CUX2: variants seen among roughly 807,000 people sequenced by gnomAD.
The protein encoded by CUX2 is homeobox protein cut-like 2.
In CUX2, 40 loss-of-function variants were observed where a neutral mutation model predicts 144.8. That is an observed-to-expected ratio of 0.28 (90% CI 0.21 to 0.36). CUX2 has a LOEUF of 0.36. CUX2 is among the 10% of genes least tolerant of loss of function. The probability of loss-of-function intolerance (pLI) is 1.00; values close to 1 mark genes in which losing one functional copy is unlikely to be tolerated. For synonymous variants in CUX2, 827 were observed against 875.6 expected, an observed-to-expected ratio of 0.94 and a Z score of 0.98; for missense variants, 1,615 against 1,994.0, an observed-to-expected ratio of 0.81 and a Z score of 3.62.
chr12:111,093,642 G>C (rs1415110275), intron 1 of CUX2, among the ~76,000 whole-genome samples: 2 of 152,154 alleles, frequency 1.3e-5, no homozygotes, highest in African/African-American at 4.8e-5. Flanking sequence ...AAATTTGACG[G>C]GGGGGCGATG....
At chr12:111,294,781 C>G (rs1885882443) in intron 6 of CUX2, among the ~76,000 whole-genome samples, 1 of 151,812 alleles carries the variant, frequency 6.6e-6, no homozygotes, top group Admixed American at 6.6e-5. Flanking sequence ...GCCTGCAATC[C>G]CAGGTACTCA....
rs1012836814 is a variant in CUX2, at chr12:111,068,582, G to C, written c.63+34342G>C. Among the ~76,000 whole-genome samples, 2 of 152,358 alleles carry C rather than the reference G, an allele frequency of 1.3e-5. No homozygotes were observed. Among genetic ancestry groups the C allele is most frequent in the Admixed American group, 6.5e-5 (1 of 15,310 alleles). Reference sequence around the variant, plus strand: ...TCCATTTTCTGAGGAGATGAAAAGCGATGCTGGTTTGAGCAGCTGGTGTTT... The same window carrying C: ...TCCATTTTCTGAGGAGATGAAAAGCCATGCTGGTTTGAGCAGCTGGTGTTT... On this transcript the variant is annotated intron_variant, in intron 1 of 21. Coordinates refer to ENST00000261726, the MANE Select transcript of CUX2 (RefSeq NM_015267.4). The surrounding 1 kb of genome is among the most constrained non-coding windows in gnomAD (Gnocchi z 4.9).
chr12:111,302,728 C>T (rs571039553), intron 9 of CUX2, among the ~76,000 whole-genome samples: 3 of 151,028 alleles, frequency 2.0e-5, no homozygotes, highest in East Asian at 3.9e-4. Context: ...GGAAAAACCC[C>T]GTCTCTACTA....
chr12:111,217,978 A>G (rs776310745), intron 3 of CUX2, 41 bp downstream of exon 3: 2 of 1,611,154 alleles, frequency 1.2e-6, no homozygotes, highest in Non-Finnish European at 1.7e-6. Flanking sequence ...AAGTGCCCCC[A>G]ATGGCTCCCC....
rs149800659 is a variant in CUX2, at chr12:111,123,353, T to G, written c.63+89113T>G. Among the ~76,000 whole-genome samples, 1,487 of 151,958 alleles carry G rather than the reference T, an allele frequency of 9.8e-3. 29 individuals are homozygous for G. Among genetic ancestry groups the G allele is most frequent in the African/African-American group, 0.034 (1,427 of 41,434 alleles). On this transcript the variant is annotated intron_variant, in intron 1 of 21. Transcript: ENST00000261726. ...GCACACCACCACGCCCAGCTAATTT[T>G]TTGTATTTTTAGTAGAGACAGGGTT...
At chr12:111,174,912 G>T (rs1204380478) in intron 1 of CUX2, among the ~76,000 whole-genome samples, 4 of 152,202 alleles carry the variant, frequency 2.6e-5, no homozygotes, top group African/African-American at 9.7e-5. Context: ...GTTTCCTGTG[G>T]TTCAACTGAA....
At chr12:111,071,979 T>C (rs1462903162) in intron 1 of CUX2, among the ~76,000 whole-genome samples, 1 of 152,252 alleles carries the variant, frequency 6.6e-6, no homozygotes, top group Non-Finnish European at 1.5e-5. Flanking sequence ...TCTATTTGTC[T>C]ATTCTTTCTC....
intron 1 of CUX2, among the ~76,000 whole-genome samples, chr12:111,195,991 C>T (rs189838830): frequency 6.6e-6 from 1 of 152,310 alleles, no homozygotes; most frequent in East Asian, 1.9e-4. Flanking sequence ...CAAAAAAGAT[C>T]TTTTGGGTCC....
rs956194945 is a variant in CUX2 at position 111,077,248 on chromosome 12, C to T, written c.63+43008C>T. Among the ~76,000 whole-genome samples the T allele has an allele frequency of 6.6e-6, 1 of 152,156 alleles. No individual in the cohort carries two copies. Among genetic ancestry groups the T allele is most frequent in the Non-Finnish European group, 1.5e-5 (1 of 68,032 alleles). The stretch of plus-strand genomic sequence containing the variant: ...AGGCCCAAGCTGGCCTCTGCCTGCC[C>T]TGCTTGGGGAGTTGAAAGAGGCCTT... On this transcript the variant is annotated intron_variant, in intron 1 of 21. Transcript: ENST00000261726. The surrounding 1 kb of genome is among the most constrained non-coding windows in gnomAD (Gnocchi z 4.1).
intron 1 of CUX2, among the ~76,000 whole-genome samples, chr12:111,185,607 A>AC (rs1202189346): frequency 1.3e-5 from 2 of 152,198 alleles, no homozygotes; most frequent in African/African-American, 4.8e-5. Context: ...GGTGTCCAGC[A>AC]CTGGCTGAGT....
At chr12:111,045,504 A>G (rs1042917602) in intron 1 of CUX2, among the ~76,000 whole-genome samples, 3 of 152,248 alleles carry the variant, frequency 2.0e-5, no homozygotes, top group Admixed American at 6.5e-5. Flanking sequence ...AGAAGTAGAA[A>G]GTGACAGCTC....
chr12:111,254,856 T>G (rs1233285377), intron 3 of CUX2, among the ~76,000 whole-genome samples: 1 of 152,104 alleles, frequency 6.6e-6, no homozygotes, highest in East Asian at 1.9e-4. Flanking sequence ...GCAGTCTTTT[T>G]TTTTCCTTTT....
rs762991481 is a variant in CUX2, at chr12:111,293,142, AAAAT to A, written c.437-300_437-297del. 6.6e-6 allele frequency among the ~76,000 whole-genome samples: 1 copy of A among 152,236 alleles called. No individual in the cohort carries two copies. The highest frequency in any genetic ancestry group is 1.9e-4 in the East Asian group (1 of 5,200). On this transcript the variant is annotated intron_variant, in intron 5 of 21. Transcript: ENST00000261726. This position sits in a 1 kb window ranked among gnomAD's most constrained non-coding sequence, Gnocchi z 4.5. Reference sequence around the variant, plus strand: ...AGACTCCGTCTCAAAAAAAAAATAAAAAATAAAAAAAGGTGAATTTTATGTGACG... The same window carrying A: ...AGACTCCGTCTCAAAAAAAAAATAAAAAAAAAAGGTGAATTTTATGTGACG...
In CUX2 at chr12:111,320,092, A is replaced by G. The variant is rs1246894726; in HGVS notation, c.2083A>G (p.Ser695Gly). ...CAGCACCTCGGAGGACGCCATCAAG[A>G]GCATCCTGGAGCAGGCACGCCGTGA... ...PASTSEDAIK[S>G]ILEQARREMQ... Residue 695 changes from serine to glycine, a missense_variant, in exon 17 of 22, where the codon AGC becomes GGC. Transcript: ENST00000261726. This position sits in a 1 kb window ranked among gnomAD's most constrained non-coding sequence, Gnocchi z 8.1. 3.2e-6 allele frequency: 5 copies of G among 1,556,942 alleles called. No individual in the cohort carries two copies. The highest frequency in any genetic ancestry group is 4.3e-6 in the Non-Finnish European group (5 of 1,154,638).
chr12:111,188,817 G>T (rs941643801), intron 1 of CUX2, among the ~76,000 whole-genome samples: 2 of 152,154 alleles, frequency 1.3e-5, no homozygotes, highest in Admixed American at 1.3e-4. Context: ...ACCCATGGTT[G>T]TTGGAAGAGA....
chr12:111,082,870 G>A, intron 1 of CUX2, among the ~76,000 whole-genome samples: 1 of 152,182 alleles, frequency 6.6e-6, no homozygotes. Context: ...GACCATGGGT[G>A]TCGTGAAGAG....
intron 1 of CUX2, among the ~76,000 whole-genome samples, chr12:111,067,454 C>CA (rs1366833544): frequency 2.0e-5 from 3 of 152,196 alleles, no homozygotes; most frequent in South Asian, 2.1e-4. Context: ...GGCTAAGAGA[C>CA]AGAGTCCTGA....
rs565702091 is a variant in CUX2 at position 111,322,468 on chromosome 12, G to A, written c.2814G>A (p.Pro938=). Residue 938 remains proline, a synonymous_variant, in exon 18 of 22, where the codon CCG becomes CCA. Coordinates refer to ENST00000261726, the MANE Select transcript of CUX2 (RefSeq NM_015267.4). The surrounding 1 kb of genome is among the most constrained non-coding windows in gnomAD (Gnocchi z 4.2). ...QGSVSDMLSR[P]KPWSKLTQKG... ...GCGTGAGCGACATGCTGTCCCGGCC[G>A]AAGCCATGGAGCAAGCTGACGCAGA... 2.1e-5 allele frequency: 34 copies of A among 1,589,454 alleles called. No individual in the cohort carries two copies. The highest frequency in any genetic ancestry group is 1.8e-4 in the East Asian group (8 of 43,898).
chr12:111,123,840 T>C (rs1445820420), intron 1 of CUX2, among the ~76,000 whole-genome samples: 1 of 152,172 alleles, frequency 6.6e-6, no homozygotes, highest in Non-Finnish European at 1.5e-5. Flanking sequence ...CCAGACAAAC[T>C]TAATCCTCTT....
Sources: gnomAD v4.1 joint callset for allele counts (sites outside exome capture counted in the v4.1 genomes callset) on GRCh38, gnomAD v4.1.1 for gene constraint, Gnocchi (gnomAD v3.1) non-coding constraint, MANE v1.5 for transcripts, NCBI Gene and HGNC (gene_info 2026-07-23, HGNC 2026-07-21) for gene names.